Variants in EDEM3 observed in about 807,000 individuals in gnomAD.
EDEM3 encodes the protein ER degradation-enhancing alpha-mannosidase-like protein 3.
Under a neutral mutation model 110.2 loss-of-function variants are expected in EDEM3, and 60 were observed. The ratio of observed to expected loss-of-function variants is 0.54; its 90% CI spans 0.44 to 0.67. The LOEUF (loss-of-function observed/expected upper bound fraction) is 0.67, where lower values mean the gene tolerates loss of function less well. EDEM3 is among the 30% of genes least tolerant of loss of function. EDEM3 has a pLI of 0.00. For synonymous variants in EDEM3, 352 were observed against 382.9 expected (o/e 0.92, Z 0.94); for missense variants, 996 against 1,121.0 (o/e 0.89, Z 1.59).
chr1:184,723,187 A>AGT (rs1455015599), intron 8 of EDEM3, among the ~76,000 whole-genome samples: 1 of 152,016 alleles, frequency 6.6e-6, no homozygotes, highest in African/African-American at 2.4e-5. Context: ...CTTCATAGTA[A>AGT]GTGTAGTACA....
rs75254845 is a variant in EDEM3, at chr1:184,732,182, C to G, written c.612+655G>C. Reference sequence around the variant, plus strand: ...CAGTGGGAGACTCCATTCCCCCCCACCAAAAAAAAGAAATAAGCCAGGCAT... The same window carrying G: ...CAGTGGGAGACTCCATTCCCCCCCAGCAAAAAAAAGAAATAAGCCAGGCAT... On this transcript the variant is annotated intron_variant, in intron 6 of 19. Coordinates refer to ENST00000318130, the MANE Select transcript of EDEM3 (RefSeq NM_025191.4). Among the ~76,000 whole-genome samples the G allele has an allele frequency of 1.4e-4, 21 of 149,076 alleles. No homozygotes were observed. In the South Asian group the frequency reaches 2.4e-3, roughly 17 times the overall value.
intron 2 of EDEM3, among the ~76,000 whole-genome samples, chr1:184,748,559 T>C (rs765846090): frequency 6.6e-6 from 1 of 151,958 alleles, no homozygotes; most frequent in Non-Finnish European, 1.5e-5. Flanking sequence ...CCAAAAAAAA[T>C]CATATCCTAA....
chr1:184,694,008 C>G lies in EDEM3; in HGVS notation c.*55G>C. 1 of 1,547,956 alleles carries G rather than the reference C, an allele frequency of 6.5e-7. No homozygotes were observed. ...TGCTTAGTATTAGGATGTCTATTAACCACACACAGTTTACCTTTTCTTTTT... is the reference window on the plus strand; with the variant it reads ...TGCTTAGTATTAGGATGTCTATTAAGCACACACAGTTTACCTTTTCTTTTT... On this transcript the variant is annotated 3_prime_UTR_variant, in exon 20 of 20. Transcript: ENST00000318130.
intron 18 of EDEM3, among the ~76,000 whole-genome samples, chr1:184,705,831 T>G (rs1488952363): frequency 6.6e-6 from 1 of 152,042 alleles, no homozygotes; most frequent in African/African-American, 2.4e-5. Flanking sequence ...ACAGAAAAAT[T>G]TATATTTCCC....
chr1:184,728,314 G>A (rs1353412562), intron 6 of EDEM3, among the ~76,000 whole-genome samples: 6 of 152,212 alleles, frequency 3.9e-5, no homozygotes, highest in Non-Finnish European at 7.3e-5. Context: ...ATTGGGAGTA[G>A]TTGAGAGCTA....
intron 1 of EDEM3, among the ~76,000 whole-genome samples, chr1:184,753,442 T>G (rs1002707601): frequency 1.3e-5 from 2 of 151,770 alleles, no homozygotes; most frequent in South Asian, 4.2e-4. Flanking sequence ...AGTTTCGCTC[T>G]TGTTGCCCAG....
intron 1 of EDEM3, 56 bp downstream of exon 1, chr1:184,754,433 C>G: frequency 6.2e-7 from 1 of 1,605,520 alleles, no homozygotes; most frequent in Non-Finnish European, 8.5e-7. Flanking sequence ...ATGACAGGCA[C>G]CCCTCCTGTT....
intron 19 of EDEM3, chr1:184,701,403 G>T: frequency 1.5e-6 from 1 of 678,900 alleles, no homozygotes; most frequent in Non-Finnish European, 2.0e-6. Flanking sequence ...GGTATCCACT[G>T]AAACAAAATT....
chr1:184,742,723 A>G (rs1318576673), intron 2 of EDEM3, among the ~76,000 whole-genome samples: 1 of 152,228 alleles, frequency 6.6e-6, no homozygotes, highest in African/African-American at 2.4e-5. Context: ...TTCATGTGTC[A>G]AATTCCTGAC....
chr1:184,703,184 C>T (rs138859628), intron 18 of EDEM3, among the ~76,000 whole-genome samples, 188 bp from the exon 19 acceptor site: 1,640 of 152,078 alleles, frequency 0.011, 27 homozygotes, highest in African/African-American at 0.037. Context: ...TCAAAAGTAG[C>T]GAAAAGCCCT....
At chr1:184,720,655 T>A (rs1354847983) in intron 9 of EDEM3, 1 of 152,458 alleles carries the variant, frequency 6.6e-6, no homozygotes, top group Admixed American at 6.6e-5. Context: ...TACTGTCTCA[T>A]ACATACAACA....
At chr1:184,742,173 G>T (rs1054316943) in intron 2 of EDEM3, among the ~76,000 whole-genome samples, 1 of 151,186 alleles carries the variant, frequency 6.6e-6, no homozygotes. Context: ...CACACAGAAA[G>T]GGGGGGAAAT....
At chr1:184,715,136 G>C (rs1650474386) in intron 13 of EDEM3, among the ~76,000 whole-genome samples, 1 of 152,054 alleles carries the variant, frequency 6.6e-6, no homozygotes, top group Non-Finnish European at 1.5e-5. Flanking sequence ...CAGTTATGGT[G>C]CTGTGTGCCA....
At chr1:184,724,246 A>G (rs970879739) in intron 7 of EDEM3, among the ~76,000 whole-genome samples, 1 of 152,128 alleles carries the variant, frequency 6.6e-6, no homozygotes, top group Non-Finnish European at 1.5e-5. Context: ...TACCACTTAA[A>G]GGCAAAGTAA....
rs1019309837 is a variant in EDEM3 at position 184,754,738 on chromosome 1, G to A, written c.-92C>T. ...TGGCCAGGGGGCTGCTAGCCGTGCCGAGACGGGGCGGGATGCGGAGTAACA... is the reference window on the plus strand; with the variant it reads ...TGGCCAGGGGGCTGCTAGCCGTGCCAAGACGGGGCGGGATGCGGAGTAACA... On this transcript the variant is annotated 5_prime_UTR_variant, in exon 1 of 20. Transcript: ENST00000318130. 50 of 1,419,908 alleles carry A rather than the reference G, an allele frequency of 3.5e-5. No homozygotes were observed. The highest frequency in any genetic ancestry group is 4.4e-5 in the Non-Finnish European group (48 of 1,093,982). The allele number at this position is 1,419,908 out of a possible 1,614,324, so 88.0% of individuals were successfully genotyped here. A position where few individuals can be genotyped will look rare whatever the true frequency, so the allele number is the denominator to read the frequency against.
rs368554477 is a variant in EDEM3, at chr1:184,754,442, T to C, written c.158+47A>G. 3.7e-6 allele frequency: 6 copies of C among 1,610,686 alleles called. No homozygotes were observed. The South Asian group carries it at 6.6e-5, about 18-fold the overall frequency. On this transcript the variant is annotated intron_variant, in intron 1 of 19. Coordinates refer to ENST00000318130, the MANE Select transcript of EDEM3 (RefSeq NM_025191.4). ...GTCGCAATGACAGGCACCCCTCCTG[T>C]TGTCAGCCTCACCGAGAAACCCACC...
rs191111949 is a variant in EDEM3 at position 184,706,871 on chromosome 1, C to T, written c.2038-63G>A. 243 of 1,516,572 alleles carry T rather than the reference C, an allele frequency of 1.6e-4. No homozygotes were observed. The East Asian group carries it at 4.5e-3, about 28-fold the overall frequency. 93.9% of individuals were successfully genotyped at this position (1,516,572 alleles called of 1,614,324 possible). Reference sequence around the variant, plus strand: ...CTCAAATGGCAATCAAGTCATTAAACCTCAATATCTAGAGTTTTAAAAGAA... The same window carrying T: ...CTCAAATGGCAATCAAGTCATTAAATCTCAATATCTAGAGTTTTAAAAGAA... On this transcript the variant is annotated intron_variant, in intron 17 of 19. Coordinates refer to ENST00000318130, the MANE Select transcript of EDEM3 (RefSeq NM_025191.4).
chr1:184,740,602 C>T (rs1355959008), intron 2 of EDEM3, among the ~76,000 whole-genome samples: 1 of 152,072 alleles, frequency 6.6e-6, no homozygotes, highest in South Asian at 2.1e-4. Context: ...CTAGTCGCCC[C>T]GTGATAATCC....
chr1:184,751,903 G>GCCA (rs1652789734), intron 1 of EDEM3, among the ~76,000 whole-genome samples: 2 of 152,234 alleles, frequency 1.3e-5, no homozygotes, highest in South Asian at 4.1e-4. Context: ...AAGGGCATGC[G>GCCA]CCACCACACC....
Sources: allele counts gnomAD v4.1 joint callset (sites outside exome capture counted in the v4.1 genomes callset), GRCh38; gene constraint gnomAD v4.1.1; transcripts MANE v1.5; gene names NCBI Gene and HGNC (gene_info 2026-07-23, HGNC 2026-07-21).